Variants in C1GALT1 observed in about 807,000 individuals in gnomAD.
C1GALT1 encodes the protein glycoprotein-N-acetylgalactosamine 3-beta-galactosyltransferase 1.
Under a neutral mutation model 31.0 loss-of-function variants are expected in C1GALT1, and 11 were observed. The observed-to-expected ratio is 0.36, with a 90% CI of 0.22 to 0.59. The LOEUF is 0.59. Ranked by LOEUF, C1GALT1 falls within the 20% of genes least tolerant of loss-of-function variation. The probability of loss-of-function intolerance (pLI) is 0.79; values close to 1 mark genes in which losing one functional copy is unlikely to be tolerated. For missense variants in C1GALT1, 424 were observed against 425.2 expected, an observed-to-expected ratio of 1.00 and a Z score of 0.03; for synonymous variants, 175 against 143.6, an observed-to-expected ratio of 1.22 and a Z score of -1.56.
intron 1 of C1GALT1, among the ~76,000 whole-genome samples, chr7:7,196,386 C>A (rs954493915): frequency 6.6e-6 from 1 of 152,148 alleles, no homozygotes; most frequent in African/African-American, 2.4e-5. Flanking sequence ...CTACAGAGGA[C>A]ATGAACTCAT....
chr7:7,237,002 A>G (rs1378117969), intron 2 of C1GALT1, among the ~76,000 whole-genome samples: 8 of 152,220 alleles, frequency 5.3e-5, no homozygotes, highest in Non-Finnish European at 8.8e-5. Flanking sequence ...GAACATTGCT[A>G]CTGAAAGTCA....
chr7:7,161,681 A>C (rs1780335122), intron 2 of C1GALT1, among the ~76,000 whole-genome samples: 1 of 152,140 alleles, frequency 6.6e-6, no homozygotes, highest in Non-Finnish European at 1.5e-5. Flanking sequence ...GATAGTAGTT[A>C]GTAAATAGTA....
intron 1 of C1GALT1, among the ~76,000 whole-genome samples, chr7:7,219,009 AT>A (rs370927244): frequency 3.3e-5 from 5 of 149,678 alleles, no homozygotes; most frequent in African/African-American, 9.8e-5. Flanking sequence ...AATTTTTTGT[AT>A]TTTTTTTTAG....
At chr7:7,232,873 G>A (rs1258586962) in intron 1 of C1GALT1, among the ~76,000 whole-genome samples, 1 of 152,128 alleles carries the variant, frequency 6.6e-6, no homozygotes. Context: ...TTAATTACCT[G>A]TTTAAAATTA....
intron 3 of C1GALT1, among the ~76,000 whole-genome samples, chr7:7,242,771 C>T (rs921843556): frequency 6.6e-6 from 1 of 152,056 alleles, no homozygotes; most frequent in Non-Finnish European, 1.5e-5. Flanking sequence ...ATGAGAATTA[C>T]ATAACTGGAC....
chr7:7,234,692 C>T, intron 2 of C1GALT1, 153 bp downstream of exon 2: 1 of 593,118 alleles, frequency 1.7e-6, no homozygotes, highest in Non-Finnish European at 2.9e-6. Context: ...ATTGCTAAAA[C>T]TCAGATTTAT....
Position 7,244,882 on chromosome 7 carries a change from A to ATACTT in C1GALT1, c.*1156_*1160dup, listed in dbSNP as rs1405885626. On this transcript the variant is annotated 3_prime_UTR_variant, in exon 4 of 4. Coordinates refer to ENST00000436587, the MANE Select transcript of C1GALT1 (RefSeq NM_020156.5). ...AAAATGTTATATTTTGAAAGAGTAG[A>ATACTT]TACTTAATTTATAAATAACAGTCTG... 6.6e-6 allele frequency: 1 copy of ATACTT among 152,228 alleles called. No individual in the cohort carries two copies. The highest frequency in any genetic ancestry group is 1.9e-4 in the East Asian group (1 of 5,204). The allele number at this position is 152,228 out of a possible 1,614,324, so 9.4% of individuals were successfully genotyped here. A position where few individuals can be genotyped will look rare whatever the true frequency, so the allele number is the denominator to read the frequency against.
At chr7:7,196,310 G>A (rs1010700783) in intron 1 of C1GALT1, among the ~76,000 whole-genome samples, 1 of 149,764 alleles carries the variant, frequency 6.7e-6, no homozygotes, top group South Asian at 2.1e-4. Context: ...GAGAACATAC[G>A]GTGTTTGGTT....
At chr7:7,211,122 T>C (rs11765592) in intron 1 of C1GALT1, among the ~76,000 whole-genome samples, 13,446 of 152,136 alleles carry the variant, frequency 0.088, 835 homozygotes, top group East Asian at 0.21. Context: ...GGCATGTCCA[T>C]GTGTGGATCA....
intron 1 of C1GALT1, among the ~76,000 whole-genome samples, chr7:7,196,368 C>T (rs1346070180): frequency 6.6e-6 from 1 of 152,134 alleles, no homozygotes; most frequent in Non-Finnish European, 1.5e-5. Context: ...CCAGCTTCTT[C>T]CATGTCCCTA....
intron 1 of C1GALT1, among the ~76,000 whole-genome samples, chr7:7,231,722 G>A (rs994648280): frequency 4.0e-5 from 6 of 151,386 alleles, no homozygotes; most frequent in African/African-American, 1.5e-4. Context: ...GTGTTTAGCC[G>A]TAATTTTCAT....
intron 1 of C1GALT1, among the ~76,000 whole-genome samples, chr7:7,228,949 T>C (rs1223773561): frequency 6.6e-6 from 1 of 151,718 alleles, no homozygotes; most frequent in Non-Finnish European, 1.5e-5. Context: ...AGAAGTAGGC[T>C]TGTTCTGAAG....
intron 1 of C1GALT1, among the ~76,000 whole-genome samples, chr7:7,200,133 CAG>C (rs1443297764): frequency 3.9e-5 from 6 of 152,152 alleles, no homozygotes; most frequent in African/African-American, 1.2e-4. Flanking sequence ...TTCTTCCTAG[CAG>C]CGATGGTCTT....
rs1195707974 is a variant in C1GALT1, at chr7:7,247,480, C to T, written c.*3753C>T. On this transcript the variant is annotated 3_prime_UTR_variant, in exon 4 of 4. Transcript: ENST00000436587. ...GGTATGAAAATAAATCATTGATCAG[C>T]TCTTAATATTTTTTGAATACAGAAT... The T allele has an allele frequency of 6.6e-6, 1 of 152,044 alleles. No individual in the cohort carries two copies. The highest frequency in any genetic ancestry group is 1.5e-5 in the Non-Finnish European group (1 of 67,960). 9.4% of individuals were successfully genotyped at this position (152,044 alleles called of 1,614,324 possible).
intron 1 of C1GALT1, among the ~76,000 whole-genome samples, chr7:7,216,497 C>CCG (rs138278853): frequency 0.042 from 6,210 of 148,434 alleles, 280 homozygotes; most frequent in African/African-American, 0.12. Context: ...ATCCCCCCTC[C>CCG]CCCAGCCAAA....
At chr7:7,202,927 C>G (rs1160899754) in intron 1 of C1GALT1, among the ~76,000 whole-genome samples, 1 of 152,018 alleles carries the variant, frequency 6.6e-6, no homozygotes, top group Non-Finnish European at 1.5e-5. Context: ...TTTTGTCGTA[C>G]AGATCTTTCA....
intron 1 of C1GALT1, among the ~76,000 whole-genome samples, chr7:7,183,025 C>G (rs1270634671): frequency 6.6e-6 from 1 of 152,146 alleles, no homozygotes; most frequent in Non-Finnish European, 1.5e-5. Context: ...GGAGCCTTAG[C>G]GATCTGCCAC....
At chr7:7,159,877 T>A (rs1780315757) in intron 2 of C1GALT1, among the ~76,000 whole-genome samples, 1 of 152,140 alleles carries the variant, frequency 6.6e-6, no homozygotes, top group Non-Finnish European at 1.5e-5. Context: ...TAACATGTAA[T>A]GGAAGAAAAG....
chr7:7,238,372 A>C lies in C1GALT1; in HGVS notation c.338A>C (p.Gln113Pro). ...AAACACGTCAAAGCTACTTGGGCCC[A>C]GCGTTGTAACAAAGTGTTGTTTATG... ...KAKHVKATWAQRCNKVLFMSS... is the reference protein window; with the variant it reads ...KAKHVKATWAPRCNKVLFMSS... The change falls in exon 3 of 4, where the codon CAG becomes CCG. Residue 113 changes from glutamine to proline, a missense_variant. Physicochemically the swap from Gln to Pro is moderately conservative, Grantham distance 76 (BLOSUM62 -1). Transcript: ENST00000436587. This position sits in a 1 kb window ranked among gnomAD's most constrained non-coding sequence, Gnocchi z 5.2. The C allele has an allele frequency of 6.2e-7, 1 of 1,614,164 alleles. No individual in the cohort carries two copies. The highest frequency in any genetic ancestry group is 1.3e-5 in the African/African-American group (1 of 75,060).
Sources: gnomAD v4.1 joint callset for allele counts (sites outside exome capture counted in the v4.1 genomes callset) on GRCh38, gnomAD v4.1.1 for gene constraint, Gnocchi (gnomAD v3.1) non-coding constraint, MANE v1.5 for transcripts, NCBI Gene and HGNC (gene_info 2026-07-23, HGNC 2026-07-21) for gene names.